The following WRN variants were observed in gnomAD, a reference collection of about 807,000 sequenced individuals.
The protein encoded by WRN is bifunctional 3'-5' exonuclease/ATP-dependent helicase WRN.
Under a neutral mutation model 180.7 loss-of-function variants are expected in WRN, and 149 were observed. That is an observed-to-expected ratio of 0.82 (90% CI 0.72 to 0.94). WRN has a LOEUF of 0.94. Among genes scored for constraint, WRN ranks in the 40% least tolerant of loss-of-function variants. The pLI, the probability that WRN is intolerant of heterozygous loss-of-function variation, is 0.00. For synonymous variants in WRN, 548 were observed against 568.9 expected, an observed-to-expected ratio of 0.96 and a Z score of 0.52; for missense variants, 1,661 against 1,700.1, an observed-to-expected ratio of 0.98 and a Z score of 0.40.
At chr8:31,066,008 AG>A (rs1812682240) in intron 5 of WRN, among the ~76,000 whole-genome samples, 1 of 150,672 alleles carries the variant, frequency 6.6e-6, no homozygotes, top group Non-Finnish European at 1.5e-5. Context: ...GCTCCTGAGT[AG>A]CTGGGGTTAC....
At chr8:31,043,668 A>G (rs1205869634) in intron 1 of WRN, among the ~76,000 whole-genome samples, 1 of 152,144 alleles carries the variant, frequency 6.6e-6, no homozygotes, top group East Asian at 1.9e-4. Context: ...TATTTACTTT[A>G]TTACTTACAG....
chr8:31,087,152 A>G (rs1284171198), intron 11 of WRN, among the ~76,000 whole-genome samples: 9 of 152,214 alleles, frequency 5.9e-5, no homozygotes, highest in African/African-American at 1.9e-4. Flanking sequence ...CTGTCTCTTC[A>G]TAGTTAAAAA....
At chr8:31,044,322 T>C (rs1394340688) in intron 1 of WRN, among the ~76,000 whole-genome samples, 1 of 148,344 alleles carries the variant, frequency 6.7e-6, no homozygotes, top group Non-Finnish European at 1.5e-5. Flanking sequence ...ATTACAGGCG[T>C]GAGCCGCTTG....
intron 1 of WRN, among the ~76,000 whole-genome samples, chr8:31,035,119 G>C (rs1198642801): frequency 6.6e-6 from 1 of 152,148 alleles, no homozygotes; most frequent in African/African-American, 2.4e-5. Context: ...ATTAAGGACT[G>C]CTCTAGGCAC....
At chr8:31,161,718 A>G (rs1803624274) in intron 33 of WRN, among the ~76,000 whole-genome samples, 1 of 151,492 alleles carries the variant, frequency 6.6e-6, no homozygotes, top group Admixed American at 6.6e-5. Context: ...GGGTGCCTGT[A>G]ATCCCAGCTA....
Position 31,095,331 on chromosome 8 carries a change from T to C in WRN, c.1899-1437T>C, listed in dbSNP as rs138608094. Among the ~76,000 whole-genome samples, 120 of 152,356 alleles carry C rather than the reference T, an allele frequency of 7.9e-4. 4 individuals carry two copies. In the East Asian group the frequency reaches 0.017, roughly 22 times the overall value. On this transcript the variant is annotated intron_variant, in intron 16 of 34. Coordinates refer to ENST00000298139, the MANE Select transcript of WRN (RefSeq NM_000553.6). ...CTGAATATAAATTATTTATTTGATA[T>C]ATGCTTTGCAAACATTTTCTCCTAG...
rs1447570994 is a variant in WRN at position 31,174,844 on chromosome 8, C to CCTCCCTCT, written c.*1749_*1750insTCTCCCTC. Among the ~76,000 whole-genome samples the CCTCCCTCT allele has an allele frequency of 4.6e-4, 64 of 137,702 alleles. No individual in the cohort carries two copies. Among genetic ancestry groups the CCTCCCTCT allele is most frequent in the Non-Finnish European group, 8.3e-4 (52 of 62,888 alleles). 90.3% of individuals were successfully genotyped at this position (137,702 alleles called of 152,430 possible). On this transcript the variant is annotated 3_prime_UTR_variant, in exon 35 of 35. Coordinates refer to ENST00000298139, the MANE Select transcript of WRN (RefSeq NM_000553.6). ...TCCTCCCTCCCTCCCTCCCTCCCTCCCTCCCTCCTTTCTTTTTCTTTCTCT... is the reference window on the plus strand; with the variant it reads ...TCCTCCCTCCCTCCCTCCCTCCCTCCCTCCCTCTCTCCCTCCTTTCTTTTTCTTTCTCT...
Position 31,054,731 on chromosome 8 carries a change from T to G in WRN, c.-76-3641T>G, listed in dbSNP as rs189293377. Reference sequence around the variant, plus strand: ...CATTATGAAATGATAAAATACATGTTTTTTAAAAACATTAATTTTATTTTA... The same window carrying G: ...CATTATGAAATGATAAAATACATGTGTTTTAAAAACATTAATTTTATTTTA... On this transcript the variant is annotated intron_variant, in intron 1 of 34. Coordinates refer to ENST00000298139, the MANE Select transcript of WRN (RefSeq NM_000553.6). 4.5e-4 allele frequency among the ~76,000 whole-genome samples: 68 copies of G among 152,314 alleles called. 1 individual carries two copies. The highest frequency in any genetic ancestry group is 1.6e-3 in the African/African-American group (65 of 41,548).
chr8:31,142,512 C>G, intron 26 of WRN, 114 bp from the exon 27 acceptor site: 1 of 753,438 alleles, frequency 1.3e-6, no homozygotes, highest in Admixed American at 3.6e-5. Context: ...TTAAGAATCA[C>G]CAGTTCTAAA....
intron 20 of WRN, 123 bp downstream of exon 20, chr8:31,116,651 A>G: frequency 7.3e-7 from 1 of 1,360,772 alleles, no homozygotes; most frequent in Non-Finnish European, 1.0e-6. Context: ...AGTCCCTCTG[A>G]TAAATGTGGG....
chr8:31,144,815 G>C (rs1005266250), intron 28 of WRN, among the ~76,000 whole-genome samples: 6 of 152,236 alleles, frequency 3.9e-5, no homozygotes, highest in Admixed American at 3.9e-4. Flanking sequence ...AATTAAAAAT[G>C]CTACCCCAGT....
chr8:31,171,420 T>C (rs1041376666), intron 34 of WRN: 1 of 152,038 alleles, frequency 6.6e-6, no homozygotes, highest in African/African-American at 2.4e-5. Flanking sequence ...AACAAACATA[T>C]GAAGAAAAGC....
At chr8:31,102,661 G>A (rs192961403) in intron 18 of WRN, among the ~76,000 whole-genome samples, 18 of 152,314 alleles carry the variant, frequency 1.2e-4, no homozygotes, top group East Asian at 5.8e-4. Flanking sequence ...CCTGTATAGG[G>A]TGCTTCCTGT....
intron 18 of WRN, among the ~76,000 whole-genome samples, chr8:31,111,295 G>A (rs1184138859): frequency 6.6e-6 from 1 of 152,108 alleles, no homozygotes; most frequent in Non-Finnish European, 1.5e-5. Context: ...CAAATGTAAT[G>A]TTAAAAAATA....
At chr8:31,163,854 CTTTT>C (rs34612730) in intron 33 of WRN, among the ~76,000 whole-genome samples, 5 of 141,850 alleles carry the variant, frequency 3.5e-5, no homozygotes, top group Admixed American at 7.0e-5. Flanking sequence ...ACCATGAGCT[CTTTT>C]TTTTTTTTTT....
chr8:31,125,639 G>A (rs1388394990), intron 23 of WRN, among the ~76,000 whole-genome samples: 2 of 143,078 alleles, frequency 1.4e-5, no homozygotes, highest in Non-Finnish European at 3.0e-5. Context: ...ATTAGCTCAC[G>A]AAATTGTGGG....
Position 31,173,356 on chromosome 8 carries a change from C to T in WRN, c.*254C>T. On this transcript the variant is annotated 3_prime_UTR_variant, in exon 35 of 35. Coordinates refer to ENST00000298139, the MANE Select transcript of WRN (RefSeq NM_000553.6). The stretch of plus-strand genomic sequence containing the variant: ...CTTCCTGTAAGATTGCTTTAAGAAA[C>T]TGTTACTGTCCTGTTTTCTAATCTC... 2.1e-6 allele frequency: 1 copy of T among 477,334 alleles called. No homozygotes were observed. Among genetic ancestry groups the T allele is most frequent in the Non-Finnish European group, 3.8e-6 (1 of 264,882 alleles). 29.6% of individuals were successfully genotyped at this position (477,334 alleles called of 1,614,324 possible). A position where few individuals can be genotyped will look rare whatever the true frequency, so the allele number is the denominator to read the frequency against.
chr8:31,105,399 T>C (rs1281284025), intron 18 of WRN, among the ~76,000 whole-genome samples: 1 of 152,194 alleles, frequency 6.6e-6, no homozygotes, highest in African/African-American at 2.4e-5. Flanking sequence ...AACTTTAGTC[T>C]TTGGACCTAC....
At chr8:31,099,786 T>A (rs1339827814) in intron 17 of WRN, among the ~76,000 whole-genome samples, 1 of 152,108 alleles carries the variant, frequency 6.6e-6, no homozygotes, top group African/African-American at 2.4e-5. Context: ...AGCATTTTTG[T>A]GTGTGTGTGC....
Sources: allele counts gnomAD v4.1 joint callset (sites outside exome capture counted in the v4.1 genomes callset), GRCh38; gene constraint gnomAD v4.1.1; transcripts MANE v1.5; gene names NCBI Gene and HGNC (gene_info 2026-07-23, HGNC 2026-07-21).